The following ZNF345 variants were observed in gnomAD, a reference collection of about 807,000 sequenced individuals.
ZNF345 encodes zinc finger protein HZF10.
For missense variants in ZNF345, 527 were observed against 589.9 expected (o/e 0.89, Z 1.10); for synonymous variants, 166 against 187.9 (o/e 0.88, Z 0.95).
chr19:36,851,897 C>T lies in ZNF345; in HGVS notation c.-54C>T, dbSNP rs900519965. The T allele has an allele frequency of 5.3e-5, 8 of 152,118 alleles. No individual in the cohort carries two copies. The highest frequency in any genetic ancestry group is 1.9e-4 in the African/African-American group (8 of 41,420). The allele number at this position is 152,118 out of a possible 1,614,324, so 9.4% of individuals were successfully genotyped here. Reference sequence around the variant, plus strand: ...ATGGCTGTTGAACATCCACAAGGCACCTGCAAGGTAGCTTGTCCTGTCCTC... The same window carrying T: ...ATGGCTGTTGAACATCCACAAGGCATCTGCAAGGTAGCTTGTCCTGTCCTC... On this transcript the variant is annotated 5_prime_UTR_variant, in exon 2 of 3. Coordinates refer to ENST00000420450, the MANE Select transcript of ZNF345 (RefSeq NM_001242472.2).
intron 3 of ZNF345, among the ~76,000 whole-genome samples, chr19:36,884,943 CCTT>C (rs2072988665): frequency 6.6e-6 from 1 of 152,104 alleles, no homozygotes; most frequent in Non-Finnish European, 1.5e-5. Flanking sequence ...ACTCTGGGAA[CCTT>C]CTTATACATG....
At chr19:36,858,120 C>T (rs1033823874) in intron 2 of ZNF345, 4 of 152,158 alleles carry the variant, frequency 2.6e-5, no homozygotes, top group African/African-American at 9.7e-5. Context: ...ACCTCTGGTC[C>T]CACCCTCAGC....
At chr19:36,862,628 C>T (rs1197757857) in intron 2 of ZNF345, among the ~76,000 whole-genome samples, 1 of 129,086 alleles carries the variant, frequency 7.7e-6, no homozygotes, top group Non-Finnish European at 1.5e-5. Context: ...CATGCCACTG[C>T]ATTCCAACCT....
chr19:36,857,090 A>C lies in ZNF345; in HGVS notation c.-47+5186A>C, dbSNP rs117568421. On this transcript the variant is annotated intron_variant, in intron 2 of 2. Coordinates refer to ENST00000420450, the MANE Select transcript of ZNF345 (RefSeq NM_001242472.2). ...TTATTATGCCAAAATACATATCAAC[A>C]GCTGTCCATGTTAACATTTATCTTT... Among the ~76,000 whole-genome samples the C allele has an allele frequency of 4.6e-5, 7 of 152,244 alleles. No individual in the cohort carries two copies. The East Asian group carries it at 5.8e-4, about 13-fold the overall frequency.
At chr19:36,864,210 C>A (rs1025985024) in intron 2 of ZNF345, among the ~76,000 whole-genome samples, 3 of 152,158 alleles carry the variant, frequency 2.0e-5, no homozygotes, top group African/African-American at 7.2e-5. Flanking sequence ...ACTCTAAAAA[C>A]CATGGGAATT....
intron 2 of ZNF345, among the ~76,000 whole-genome samples, chr19:36,875,214 TCAAAA>T (rs1425448915): frequency 6.6e-6 from 1 of 152,014 alleles, no homozygotes. Context: ...TTACCTATTA[TCAAAA>T]CAAAACACAA....
intron 3 of ZNF345, among the ~76,000 whole-genome samples, chr19:36,887,938 G>GA (rs886747484): frequency 6.6e-6 from 1 of 152,018 alleles, no homozygotes; most frequent in African/African-American, 2.4e-5. Context: ...ATGTGTACAG[G>GA]AAAAACTGTA....
intron 2 of ZNF345, among the ~76,000 whole-genome samples, chr19:36,874,286 G>T (rs927900437): frequency 6.6e-6 from 1 of 152,066 alleles, no homozygotes; most frequent in Non-Finnish European, 1.5e-5. Context: ...TTGAGGTCAA[G>T]AGTTCGAGAC....
In ZNF345 at chr19:36,878,115, A is replaced by G; in HGVS notation, c.1285A>G (p.Lys429Glu). 1 of 1,614,090 alleles carries G rather than the reference A, an allele frequency of 6.2e-7. No individual in the cohort carries two copies. The highest frequency in any genetic ancestry group is 8.5e-7 in the Non-Finnish European group (1 of 1,179,980). The change falls in exon 3 of 3, where the codon AAG becomes GAG. Residue 429 changes from lysine to glutamate, a missense_variant. Physicochemically the swap from Lys to Glu is moderately conservative, Grantham distance 56. Coordinates refer to ENST00000420450, the MANE Select transcript of ZNF345 (RefSeq NM_001242472.2). ...CACTGGTGAGAAACCCTATGAATGTAAGGAGTGTGGGAAGGCTTTTTATAG... is the reference window on the plus strand; with the variant it reads ...CACTGGTGAGAAACCCTATGAATGTGAGGAGTGTGGGAAGGCTTTTTATAG... ...IHTGEKPYEC[K>E]ECGKAFYSGS...
chr19:36,855,854 A>G (rs931260551), intron 2 of ZNF345, among the ~76,000 whole-genome samples: 28 of 151,886 alleles, frequency 1.8e-4, no homozygotes, highest in African/African-American at 6.0e-4. Flanking sequence ...TTTCTTACCA[A>G]CTCTTTAGTT....
intron 3 of ZNF345, among the ~76,000 whole-genome samples, chr19:36,887,149 C>T (rs1022533226): frequency 1.3e-5 from 2 of 151,860 alleles, no homozygotes; most frequent in South Asian, 4.2e-4. Context: ...GCCTGAGCAA[C>T]GAGCAAAACT....
chr19:36,883,862 G>C (rs572408359), downstream of ZNF345, among the ~76,000 whole-genome samples: 1 of 152,240 alleles, frequency 6.6e-6, no homozygotes, highest in Admixed American at 6.5e-5. Flanking sequence ...ATTGCACTGA[G>C]TTAGAGAAAC....
chr19:36,854,295 A>C (rs1466660340), intron 2 of ZNF345, among the ~76,000 whole-genome samples: 2 of 143,970 alleles, frequency 1.4e-5, no homozygotes, highest in African/African-American at 5.2e-5. Context: ...CCCCTCCTCC[A>C]CCTCTTCCTC....
chr19:36,882,033 G>C (rs1188512824), downstream of ZNF345, among the ~76,000 whole-genome samples: 1 of 147,084 alleles, frequency 6.8e-6, no homozygotes, highest in Non-Finnish European at 1.5e-5. Flanking sequence ...ATTTGAAGGA[G>C]TCCCATTCAT....
At chr19:36,887,049 G>GCTA (rs985426658) in intron 3 of ZNF345, among the ~76,000 whole-genome samples, 13 of 150,576 alleles carry the variant, frequency 8.6e-5, no homozygotes, top group Non-Finnish European at 1.8e-4. Context: ...TGTAATCCCA[G>GCTA]CTACTCGGGA....
intron 2 of ZNF345, among the ~76,000 whole-genome samples, chr19:36,875,675 T>C (rs938622763): frequency 6.6e-6 from 1 of 152,196 alleles, no homozygotes; most frequent in Non-Finnish European, 1.5e-5. Flanking sequence ...ATAATTTTGA[T>C]TTGGATTAGC....
At chr19:36,880,813 C>T (rs1207370100), downstream of ZNF345, among the ~76,000 whole-genome samples, 4 of 152,070 alleles carry the variant, frequency 2.6e-5, no homozygotes, top group African/African-American at 9.7e-5. Flanking sequence ...AAATCAAATA[C>T]ATTATTTTTT....
At chr19:36,858,280 A>G (rs2072466206) in intron 2 of ZNF345, 2 of 153,404 alleles carry the variant, frequency 1.3e-5, no homozygotes, top group South Asian at 4.1e-4. Context: ...AGAAATCTGT[A>G]ACTGGTTGTG....
chr19:36,869,124 C>T (rs1273827033), intron 2 of ZNF345, among the ~76,000 whole-genome samples: 2 of 152,116 alleles, frequency 1.3e-5, no homozygotes, highest in African/African-American at 4.8e-5. Flanking sequence ...ATACAGTCCC[C>T]AGTAAATCTG....
Sources: gnomAD v4.1 joint callset for allele counts (sites outside exome capture counted in the v4.1 genomes callset) on GRCh38, gnomAD v4.1.1 for gene constraint, MANE v1.5 for transcripts, NCBI Gene and HGNC (gene_info 2026-07-23, HGNC 2026-07-21) for gene names.